The following POLN variants were observed in gnomAD, a reference collection of about 807,000 sequenced individuals.
The protein encoded by POLN is DNA polymerase N.
In POLN, 108 loss-of-function variants were observed where a neutral mutation model predicts 113.5. That is an observed-to-expected ratio of 0.95 (90% confidence interval 0.81 to 1.12). The LOEUF is 1.12. POLN is among the 50% of genes most tolerant of loss of function. The pLI, the probability that POLN is intolerant of heterozygous loss-of-function variation, is 0.00. For synonymous variants in POLN, 386 were observed against 391.5 expected, an observed-to-expected ratio of 0.99 and a Z score of 0.17; for missense variants, 1,097 against 1,077.1, an observed-to-expected ratio of 1.02 and a Z score of -0.26.
intron 2 of POLN, chr4:2,229,925 C>T (rs1361156287): frequency 6.6e-6 from 1 of 152,284 alleles, no homozygotes; most frequent in Non-Finnish European, 1.5e-5. Context: ...AGACACACAA[C>T]TACCATCCGT....
At chr4:2,143,118 C>T (rs1037851920) in intron 16 of POLN, among the ~76,000 whole-genome samples, 3 of 151,258 alleles carry the variant, frequency 2.0e-5, no homozygotes, top group Non-Finnish European at 4.4e-5. Flanking sequence ...AAAATGCATA[C>T]ATGAGAAAAA....
Position 2,182,926 on chromosome 4 carries a change from A to G in POLN, c.1022-3461T>C, listed in dbSNP as rs535386803. ...AAATTGTATATCTGACAATAAACTC[A>G]TATTAGAATATATAAATAATTCTTA... On this transcript the variant is annotated intron_variant, in intron 7 of 25. Transcript: ENST00000511885. 3.9e-5 allele frequency among the ~76,000 whole-genome samples: 6 copies of G among 152,340 alleles called. No homozygotes were observed. In the Middle Eastern group the frequency reaches 0.01, roughly 259 times the overall value.
chr4:2,237,292 C>T (rs911564246), intron 2 of POLN, among the ~76,000 whole-genome samples: 1 of 151,184 alleles, frequency 6.6e-6, no homozygotes, highest in Admixed American at 6.6e-5. Context: ...TTTAATTAGC[C>T]AGGCATGGTG....
intron 3 of POLN, among the ~76,000 whole-genome samples, chr4:2,220,122 T>TCACC (rs1189045348): frequency 3.3e-5 from 5 of 152,116 alleles, no homozygotes; most frequent in Non-Finnish European, 7.3e-5. Context: ...AGCTACAAAT[T>TCACC]CACCCCTCGT....
chr4:2,193,079 T>TATCA (rs1222057797), intron 7 of POLN, 125 bp downstream of exon 7: 1 of 676,704 alleles, frequency 1.5e-6, no homozygotes, highest in Non-Finnish European at 2.5e-6. Context: ...TCAGGAGGCA[T>TATCA]ATCAGTCTGT....
intron 6 of POLN, 100 bp from the exon 7 acceptor site, chr4:2,193,416 A>G: frequency 1.4e-6 from 1 of 693,908 alleles, no homozygotes; most frequent in Non-Finnish European, 2.4e-6. Flanking sequence ...TCACTTAGAT[A>G]GCACATACAC....
At chr4:2,096,295 G>A (rs1730788962) in intron 19 of POLN, among the ~76,000 whole-genome samples, 1 of 152,228 alleles carries the variant, frequency 6.6e-6, no homozygotes, top group South Asian at 2.1e-4. Context: ...GTCTGCTGCA[G>A]TGGGGGAGCT....
rs747202969 is a variant in POLN, at chr4:2,093,097, GA to G, written c.2065+2753del. Reference sequence around the variant, plus strand: ...CAAAATGTAGCTCTTTTCCTCTCCAGAAAAAAAAAAAAAGTGAATACTCCAG... The same window carrying G: ...CAAAATGTAGCTCTTTTCCTCTCCAGAAAAAAAAAAAAGTGAATACTCCAG... On this transcript the variant is annotated intron_variant, in intron 20 of 25. Transcript: ENST00000511885. The surrounding 1 kb of genome is among the most constrained non-coding windows in gnomAD (Gnocchi z 4.1). Among the ~76,000 whole-genome samples, 74 of 142,546 alleles carry G rather than the reference GA, an allele frequency of 5.2e-4. No homozygotes were observed. The highest frequency in any genetic ancestry group is 1.6e-3 in the South Asian group (7 of 4,498). 93.5% of individuals were successfully genotyped at this position (142,546 alleles called of 152,430 possible).
chr4:2,081,878 T>A, intron 21 of POLN, 135 bp from the exon 22 acceptor site: 1 of 663,888 alleles, frequency 1.5e-6, no homozygotes, highest in Non-Finnish European at 2.6e-6. Flanking sequence ...CCCTGGGCCC[T>A]TCGGGTCTAT....
chr4:2,156,583 G>C, intron 16 of POLN: 1 of 648,752 alleles, frequency 1.5e-6, no homozygotes, highest in Non-Finnish European at 2.8e-6. Flanking sequence ...CCCCCCTCTT[G>C]CTAACTCAGC....
At chr4:2,184,837 G>A (rs886861921) in intron 7 of POLN, among the ~76,000 whole-genome samples, 45 of 152,128 alleles carry the variant, frequency 3.0e-4, no homozygotes, top group Non-Finnish European at 2.5e-4. Flanking sequence ...TGTGCAATGT[G>A]TCAAAACATA....
In POLN at chr4:2,208,233, T is replaced by C. The variant is rs751788452; in HGVS notation, c.468A>G (p.Arg156=). Residue 156 remains arginine (R), a synonymous_variant, in exon 5 of 26, where the codon AGA becomes AGG. Coordinates refer to ENST00000511885, the MANE Select transcript of POLN (RefSeq NM_181808.4). ...ACAAATTATTATATGTAATATGTTTTCTTTTAAGATTAATGCTTCCTTTAT... is the reference window on the plus strand; with the variant it reads ...ACAAATTATTATATGTAATATGTTTCCTTTTAAGATTAATGCTTCCTTTAT... ...NENKGSINLK[R]KHITYNNLSE... is the part of the protein sequence containing the mutation. The C allele has an allele frequency of 6.9e-6, 11 of 1,589,032 alleles. No individual in the cohort carries two copies. The highest frequency in any genetic ancestry group is 8.6e-6 in the Non-Finnish European group (10 of 1,160,480).
intron 22 of POLN, 191 bp from the exon 23 acceptor site, chr4:2,081,227 T>G (rs1730409154): frequency 6.5e-7 from 1 of 1,531,000 alleles, no homozygotes; most frequent in African/African-American, 1.4e-5. Context: ...CTCTTGCTCC[T>G]GCAGGGCACC....
Position 2,095,831 on chromosome 4 carries a change from G to C in POLN, c.2065+20C>G. ...GCTTACAGGTAACCCCGAGACCCCA[G>C]CTCCCGGCCCGCAGCCTACCTGCTC... On this transcript the variant is annotated intron_variant, in intron 20 of 25. Transcript: ENST00000511885. 1 of 1,612,358 alleles carries C rather than the reference G, an allele frequency of 6.2e-7. No individual in the cohort carries two copies. Among genetic ancestry groups the C allele is most frequent in the Non-Finnish European group, 8.5e-7 (1 of 1,178,878 alleles).
rs144408130 is a variant in POLN at position 2,133,293 on chromosome 4, G to A, written c.1732-2003C>T. Reference sequence around the variant, plus strand: ...AAAAAGAAAAATTAAAATGCCATATGATCCAGCAATTCCACTGCAGGGGAT... The same window carrying A: ...AAAAAGAAAAATTAAAATGCCATATAATCCAGCAATTCCACTGCAGGGGAT... On this transcript the variant is annotated intron_variant, in intron 16 of 25. Transcript: ENST00000511885. 8.1e-4 allele frequency among the ~76,000 whole-genome samples: 123 copies of A among 152,260 alleles called. 1 individual carries two copies. Among genetic ancestry groups the A allele is most frequent in the Non-Finnish European group, 1.8e-4 (12 of 68,028 alleles).
At position 2,128,160 on chromosome 4, in the gene POLN, G is replaced by T. The variant is rs772202725; in HGVS notation, c.1935C>A (p.Phe645Leu). 6.2e-7 allele frequency: 1 copy of T among 1,612,320 alleles called. No homozygotes were observed. The highest frequency in any genetic ancestry group is 1.1e-5 in the South Asian group (1 of 91,020). ...ATACATCATCTCTTTCAGATTCCTGGAATAACTTCAGAAGTTCCGGATCTC... is the reference window on the plus strand; with the variant it reads ...ATACATCATCTCTTTCAGATTCCTGTAATAACTTCAGAAGTTCCGGATCTC... ...LSGDPELLKLFQESERDDVFS... is the reference protein window; with the variant it reads ...LSGDPELLKLLQESERDDVFS... The change falls in exon 19 of 26, where the codon TTC becomes TTA. Residue 645 changes from phenylalanine to leucine, a missense_variant. Phe to Leu is a conservative substitution (Grantham distance 22). Coordinates refer to ENST00000511885, the MANE Select transcript of POLN (RefSeq NM_181808.4).
At chr4:2,076,990 CTTCCAAGGAGGCTATTTTTTTT>C (rs929210643) in intron 23 of POLN, 1 of 152,234 alleles carries the variant, frequency 6.6e-6, no homozygotes, top group Middle Eastern at 3.1e-3. Context: ...TTCCCTTCAA[CTTCCAAGGAGGCTATTTTTTTT>C]TTCCTTAGCA....
intron 16 of POLN, among the ~76,000 whole-genome samples, chr4:2,146,503 T>C (rs1433792993): frequency 1.3e-5 from 2 of 152,134 alleles, no homozygotes; most frequent in African/African-American, 4.8e-5. Flanking sequence ...AAACTCCATC[T>C]CAACAACAAC....
At chr4:2,178,798 G>C (rs760756685) in intron 8 of POLN, among the ~76,000 whole-genome samples, 5 of 152,122 alleles carry the variant, frequency 3.3e-5, no homozygotes, top group Non-Finnish European at 7.4e-5. Context: ...TTTTAGTAGA[G>C]ACAGGGTTTC....
Sources: allele counts gnomAD v4.1 joint callset (sites outside exome capture counted in the v4.1 genomes callset), GRCh38; gene constraint gnomAD v4.1.1; non-coding constraint Gnocchi (gnomAD v3.1); transcripts MANE v1.5; gene names NCBI Gene and HGNC (gene_info 2026-07-23, HGNC 2026-07-21).